The following KIAA1217 variants were observed in gnomAD, a reference collection of about 807,000 sequenced individuals.
KIAA1217 encodes sickle tail protein homolog.
Under a neutral mutation model 163.9 loss-of-function variants are expected in KIAA1217, and 88 were observed. The ratio of observed to expected loss-of-function variants is 0.54; its 90% CI spans 0.45 to 0.64. KIAA1217 has a LOEUF of 0.64. Ranked by LOEUF, KIAA1217 falls within the 30% of genes least tolerant of loss-of-function variation. The probability of loss-of-function intolerance (pLI) is 0.00; values close to 1 mark genes in which losing one functional copy is unlikely to be tolerated. For synonymous variants in KIAA1217, 903 were observed against 923.1 expected (o/e 0.98, Z 0.39); for missense variants, 2,372 against 2,475.0 (o/e 0.96, Z 0.88).
chr10:24,163,243 T>G (rs1434595604), intron 2 of KIAA1217, among the ~76,000 whole-genome samples: 1 of 152,186 alleles, frequency 6.6e-6, no homozygotes, highest in East Asian at 1.9e-4. Context: ...AGACTGCTAG[T>G]AAAGAGATTT....
At chr10:23,820,584 G>C (rs1275213245) in intron 1 of KIAA1217, among the ~76,000 whole-genome samples, 3 of 152,178 alleles carry the variant, frequency 2.0e-5, no homozygotes, top group African/African-American at 7.2e-5. Flanking sequence ...AGAGTTTTAG[G>C]GAGGTGATAA....
intron 6 of KIAA1217, 147 bp from the exon 7 acceptor site, chr10:24,494,353 G>A: frequency 1.5e-6 from 1 of 653,178 alleles, no homozygotes; most frequent in African/African-American, 1.8e-5. Flanking sequence ...CTAAGGATGT[G>A]CGGCTCTTCA....
At chr10:24,501,307 C>A in intron 8 of KIAA1217, 72 bp from the exon 9 acceptor site, 2 of 1,400,338 alleles carry the variant, frequency 1.4e-6, no homozygotes, top group Non-Finnish European at 2.0e-6. Context: ...CAGTCATCTG[C>A]ATTGGGATGG....
chr10:24,166,531 G>A (rs10828611), intron 2 of KIAA1217, among the ~76,000 whole-genome samples: 3,205 of 152,074 alleles, frequency 0.021, 38 homozygotes, highest in Middle Eastern at 0.058. Context: ...TGAGGTAAGG[G>A]GTTCAAGACG....
At chr10:24,049,583 T>C (rs1446606465) in intron 2 of KIAA1217, among the ~76,000 whole-genome samples, 3 of 152,134 alleles carry the variant, frequency 2.0e-5, no homozygotes, top group Non-Finnish European at 4.4e-5. Context: ...TTGTGATAGT[T>C]TGCTGAGAAT....
At chr10:23,829,579 C>G (rs1838075063) in intron 1 of KIAA1217, among the ~76,000 whole-genome samples, 2 of 152,132 alleles carry the variant, frequency 1.3e-5, no homozygotes, top group Admixed American at 6.6e-5. Context: ...TTTTGCATGA[C>G]TCACTATTTA....
chr10:23,927,375 A>G (rs1259612980), intron 1 of KIAA1217, among the ~76,000 whole-genome samples: 2 of 148,290 alleles, frequency 1.3e-5, no homozygotes, highest in African/African-American at 5.1e-5. Context: ...AATGTTTTCT[A>G]TACATTGAGG....
intron 1 of KIAA1217, among the ~76,000 whole-genome samples, chr10:23,890,237 A>T (rs1369391612): frequency 1.3e-5 from 2 of 151,422 alleles, no homozygotes; most frequent in African/African-American, 4.8e-5. Flanking sequence ...TTTATCTCTG[A>T]TCTTTGTTAT....
chr10:24,187,708 T>A (rs112674066), intron 2 of KIAA1217, among the ~76,000 whole-genome samples: 1,746 of 151,658 alleles, frequency 0.012, 30 homozygotes, highest in African/African-American at 0.04. Flanking sequence ...CTGACCAACA[T>A]GGAGACACCC....
Position 24,016,509 on chromosome 10 carries a change from T to A in KIAA1217, c.-171+9135T>A, listed in dbSNP as rs7905971. Among the ~76,000 whole-genome samples, 1,519 of 152,246 alleles carry A rather than the reference T, an allele frequency of 1.0e-2. 31 individuals carry two copies. The highest frequency in any genetic ancestry group is 0.035 in the African/African-American group (1,448 of 41,568). On this transcript the variant is annotated intron_variant, in intron 2 of 18. Coordinates refer to the KIAA1217 transcript ENST00000376462. ...AAACTAACTTACAGAGTCAGCCAGG[T>A]TGTTAGATTTAACAAAGATGTCAAC...
At position 24,501,556 on chromosome 10, in the gene KIAA1217, T is replaced by C. The variant is rs760203024; in HGVS notation, c.2001+11T>C. 1 of 1,608,786 alleles carries C rather than the reference T, an allele frequency of 6.2e-7. No homozygotes were observed. The highest frequency in any genetic ancestry group is 1.1e-5 in the South Asian group (1 of 90,790). On this transcript the variant is annotated intron_variant, in intron 9 of 20. Transcript: ENST00000376454. ...ATGCGGCAGCTCCAGGTATTCCTCA[T>C]GCACGGCGGCCTCTGTCTCGGTTGC... is the stretch of plus-strand genomic sequence containing the variant.
At chr10:24,204,165 A>T (rs1483256325), upstream of KIAA1217, among the ~76,000 whole-genome samples, 2 of 152,202 alleles carry the variant, frequency 1.3e-5, no homozygotes, top group African/African-American at 4.8e-5. Flanking sequence ...GACATTTCAT[A>T]GGGAGATTTG....
At chr10:23,809,584 T>G (rs1367345518) in intron 1 of KIAA1217, among the ~76,000 whole-genome samples, 2 of 152,052 alleles carry the variant, frequency 1.3e-5, no homozygotes, top group Non-Finnish European at 2.9e-5. Flanking sequence ...GTAATCACTG[T>G]AACTAAATGC....
At chr10:24,062,009 G>A (rs1001771153) in intron 2 of KIAA1217, among the ~76,000 whole-genome samples, 2 of 151,996 alleles carry the variant, frequency 1.3e-5, no homozygotes, top group African/African-American at 4.8e-5. Flanking sequence ...GAACCTCCAT[G>A]ATGCTCATAG....
At chr10:23,863,245 C>A (rs2131140288) in intron 1 of KIAA1217, among the ~76,000 whole-genome samples, 1 of 152,254 alleles carries the variant, frequency 6.6e-6, no homozygotes, top group Non-Finnish European at 1.5e-5. Context: ...ATTGTTACAT[C>A]CCAAACCAAA....
At chr10:24,267,450 G>A (rs16924454) in intron 2 of KIAA1217, among the ~76,000 whole-genome samples, 4,376 of 152,284 alleles carry the variant, frequency 0.029, 192 homozygotes, top group African/African-American at 0.099. Flanking sequence ...CCATCTATCT[G>A]TATCTGTATC....
At chr10:23,747,909 G>A (rs1041519373) in intron 1 of KIAA1217, among the ~76,000 whole-genome samples, 3 of 152,160 alleles carry the variant, frequency 2.0e-5, no homozygotes, top group Admixed American at 6.5e-5. Context: ...TGCAATGAGA[G>A]CCAGTTTCTC....
chr10:24,216,266 T>C (rs746639781), intron 1 of KIAA1217, among the ~76,000 whole-genome samples: 43 of 152,306 alleles, frequency 2.8e-4, no homozygotes, highest in East Asian at 9.7e-4. Flanking sequence ...TTGAACTCTC[T>C]TGATGCTCTT....
At chr10:24,097,871 G>A (rs1589485629) in intron 2 of KIAA1217, among the ~76,000 whole-genome samples, 1 of 152,258 alleles carries the variant, frequency 6.6e-6, no homozygotes, top group East Asian at 1.9e-4. Context: ...GCCAAGGCCA[G>A]GCCACATTTC....
Sources: allele counts gnomAD v4.1 joint callset (sites outside exome capture counted in the v4.1 genomes callset), GRCh38; gene constraint gnomAD v4.1.1; transcripts MANE v1.5; gene names NCBI Gene and HGNC (gene_info 2026-07-23, HGNC 2026-07-21).